The following UGT1A8 variants were observed in gnomAD, a reference collection of about 807,000 sequenced individuals.
UGT1A8 encodes the protein UDP-glucuronosyltransferase 1A8.
UGT1A8 carries 39 observed loss-of-function variants against 45.3 expected under a neutral mutation model. The observed-to-expected ratio is 0.86, with a 90% CI of 0.67 to 1.12. The LOEUF is 1.12. Among genes scored for constraint, UGT1A8 ranks in the 50% most tolerant of loss-of-function variants. The probability of loss-of-function intolerance (pLI) is 0.00; values close to 1 mark genes in which losing one functional copy is unlikely to be tolerated. For synonymous variants in UGT1A8, 275 were observed against 249.2 expected, an observed-to-expected ratio of 1.10 and a Z score of -0.97; for missense variants, 719 against 664.9, an observed-to-expected ratio of 1.08 and a Z score of -0.90.
intron 1 of UGT1A8, among the ~76,000 whole-genome samples, chr2:233,664,705 C>A (rs1283210690): frequency 6.6e-6 from 1 of 152,166 alleles, no homozygotes; most frequent in African/African-American, 2.4e-5. Context: ...GGATCCACCC[C>A]CATGATCCAA....
chr2:233,632,174 G>T (rs2073200659), intron 1 of UGT1A8, among the ~76,000 whole-genome samples: 1 of 152,116 alleles, frequency 6.6e-6, no homozygotes, highest in African/African-American at 2.4e-5. Context: ...TGAGGCCTCT[G>T]TTCAGTTCCA....
intron 1 of UGT1A8, chr2:233,690,651 A>G: frequency 7.8e-7 from 1 of 1,284,640 alleles, no homozygotes; most frequent in Non-Finnish European, 1.0e-6. Flanking sequence ...CTTGACTCCT[A>G]CAGCACCAAC....
chr2:233,757,545 T>TAC (rs1696610377), intron 1 of UGT1A8, among the ~76,000 whole-genome samples: 1 of 65,910 alleles, frequency 1.5e-5, no homozygotes, highest in African/African-American at 6.3e-5. Flanking sequence ...AATATATATA[T>TAC]ATATATATAT....
intron 1 of UGT1A8, among the ~76,000 whole-genome samples, chr2:233,667,060 T>G (rs1463099815): frequency 6.6e-6 from 1 of 152,180 alleles, no homozygotes; most frequent in Non-Finnish European, 1.5e-5. Flanking sequence ...TGTTGGACAT[T>G]TGGGTTGGTT....
chr2:233,654,407 A>G (rs1202208899), intron 1 of UGT1A8, among the ~76,000 whole-genome samples: 1 of 152,186 alleles, frequency 6.6e-6, no homozygotes, highest in Non-Finnish European at 1.5e-5. Flanking sequence ...CTTGTTTCTT[A>G]GCATAACCTG....
At chr2:233,761,629 C>A (rs1415462603) in intron 1 of UGT1A8, among the ~76,000 whole-genome samples, 1 of 152,252 alleles carries the variant, frequency 6.6e-6, no homozygotes, top group Admixed American at 6.5e-5. Flanking sequence ...GAAGCTAAAT[C>A]CTGCAGTCCG....
chr2:233,673,209 TTAAAA>T (rs1312203252), intron 1 of UGT1A8, among the ~76,000 whole-genome samples: 4 of 152,208 alleles, frequency 2.6e-5, no homozygotes, highest in Non-Finnish European at 4.4e-5. Flanking sequence ...ACCTATTTTG[TTAAAA>T]TAAAATCTAG....
At chr2:233,730,026 C>G (rs2077971569) in intron 1 of UGT1A8, 3 of 1,613,402 alleles carry the variant, frequency 1.9e-6, no homozygotes, top group African/African-American at 2.7e-5. Flanking sequence ...AATCAATGTT[C>G]CAGGCAAAAC....
At chr2:233,686,864 T>A (rs997443373) in intron 1 of UGT1A8, among the ~76,000 whole-genome samples, 2 of 152,226 alleles carry the variant, frequency 1.3e-5, no homozygotes, top group Admixed American at 6.5e-5. Flanking sequence ...GTCTTTCCTT[T>A]CTGTCACTTT....
chr2:233,644,188 A>G (rs1176360271), intron 1 of UGT1A8, among the ~76,000 whole-genome samples: 1 of 152,090 alleles, frequency 6.6e-6, no homozygotes, highest in Non-Finnish European at 1.5e-5. Flanking sequence ...GGCCAAGACC[A>G]TTTTGGCCCT....
rs571994847 is a variant in UGT1A8, at chr2:233,706,057, T to G, written c.856-60977T>G. 5.9e-5 allele frequency among the ~76,000 whole-genome samples: 9 copies of G among 152,276 alleles called. No individual in the cohort carries two copies. The South Asian group carries it at 1.9e-3, about 32-fold the overall frequency. On this transcript the variant is annotated intron_variant, in intron 1 of 4. Transcript: ENST00000373450. ...TTGCAGTGAGCCGAGATCACGCCAC[T>G]GCATGCCAGCCTGGGTGACAGAGCT... is the stretch of plus-strand genomic sequence containing the variant.
chr2:233,730,924 C>G (rs2078090552), intron 1 of UGT1A8, among the ~76,000 whole-genome samples: 1 of 152,176 alleles, frequency 6.6e-6, no homozygotes, highest in Non-Finnish European at 1.5e-5. Context: ...AGGCAGCTTT[C>G]ATTAATCCAG....
At chr2:233,709,129 A>T (rs2076058664) in intron 1 of UGT1A8, among the ~76,000 whole-genome samples, 1 of 152,130 alleles carries the variant, frequency 6.6e-6, no homozygotes, top group Non-Finnish European at 1.5e-5. Context: ...ATGGTGGCCA[A>T]GGGGATGAGA....
At chr2:233,765,778 A>G (rs1698945501) in intron 1 of UGT1A8, among the ~76,000 whole-genome samples, 2 of 152,070 alleles carry the variant, frequency 1.3e-5, no homozygotes, top group African/African-American at 2.4e-5. Context: ...GATTCATTGG[A>G]CCACTGAAAA....
intron 1 of UGT1A8, chr2:233,729,067 A>G (rs2077783738): frequency 6.2e-7 from 1 of 1,611,370 alleles, no homozygotes; most frequent in Admixed American, 1.7e-5. Context: ...AAGATGAAGA[A>G]AGCAAATGTA....
At chr2:233,636,778 C>G (rs1307106189) in intron 1 of UGT1A8, 1 of 1,614,198 alleles carries the variant, frequency 6.2e-7, no homozygotes, top group East Asian at 2.2e-5. Flanking sequence ...TCTGGAAGAT[C>G]AGAACCGGGA....
chr2:233,700,744 T>G (rs2125584021), intron 1 of UGT1A8, among the ~76,000 whole-genome samples: 1 of 152,264 alleles, frequency 6.6e-6, no homozygotes. Flanking sequence ...TATTATACTT[T>G]AAGTTTTAGG....
intron 1 of UGT1A8, among the ~76,000 whole-genome samples, chr2:233,619,663 T>C (rs935485559): frequency 6.6e-6 from 1 of 152,152 alleles, no homozygotes; most frequent in Non-Finnish European, 1.5e-5. Flanking sequence ...TTTGAAACTA[T>C]TTTTTTACAG....
chr2:233,636,812 A>G (rs139555240), intron 1 of UGT1A8: 16 of 1,614,064 alleles, frequency 9.9e-6, no homozygotes, highest in Non-Finnish European at 1.4e-5. Context: ...GCCCATGCTC[A>G]ATGGAAAGCA....
Sources: allele counts gnomAD v4.1 joint callset (sites outside exome capture counted in the v4.1 genomes callset), GRCh38; gene constraint gnomAD v4.1.1; transcripts MANE v1.5; gene names NCBI Gene and HGNC (gene_info 2026-07-23, HGNC 2026-07-21).